NBPF26: variants seen among roughly 807,000 people sequenced by gnomAD.
NBPF26 encodes the protein NBPF member 26, also known as NBPF family member NBPF26.
Under a neutral mutation model 119.6 loss-of-function variants are expected in NBPF26, and 79 were observed. The observed-to-expected ratio is 0.66, with a 90% CI of 0.55 to 0.80. The LOEUF (loss-of-function observed/expected upper bound fraction) is 0.80, where lower values mean the gene tolerates loss of function less well. NBPF26 is among the 30% of genes least tolerant of loss of function. NBPF26 has a pLI of 0.00. For missense variants in NBPF26, 800 were observed against 1,198.2 expected (o/e 0.67, Z 4.91); for synonymous variants, 299 against 457.7 (o/e 0.65, Z 4.43).
chr1:120,832,416 G>A (rs1465717779), intron 22 of NBPF26, among the ~76,000 whole-genome samples: 1 of 100,460 alleles, frequency 1.0e-5, no homozygotes, highest in Non-Finnish European at 1.8e-5. Context: ...ATTGGACCTG[G>A]GCAGATGTGA....
intron 1 of NBPF26, among the ~76,000 whole-genome samples, chr1:120,745,650 G>A (rs1227616607): frequency 3.8e-5 from 3 of 78,630 alleles, no homozygotes; most frequent in Non-Finnish European, 6.7e-5. Context: ...CCGTCTCTAC[G>A]GAAAAAAATG....
At position 120,812,221 on chromosome 1, in the gene NBPF26, G is replaced by A. The variant is rs1190555743; in HGVS notation, c.1774+126G>A. On this transcript the variant is annotated intron_variant, in intron 10 of 29. Coordinates refer to ENST00000620612, the Ensembl canonical transcript of NBPF26. ...CCGTACTTCTAGGAAAACAGAAATG[G>A]GTATTTTAACATTTTGTCAAAGTTG... is the stretch of plus-strand genomic sequence containing the variant. 27 of 622,660 alleles carry A rather than the reference G, an allele frequency of 4.3e-5. 3 individuals carry two copies. Among genetic ancestry groups the A allele is most frequent in the East Asian group, 1.8e-4 (7 of 37,950 alleles). 38.6% of individuals were successfully genotyped at this position (622,660 alleles called of 1,614,324 possible).
At chr1:120,795,946 GTGTA>G (rs1202810360) in intron 4 of NBPF26, among the ~76,000 whole-genome samples, 6,459 of 29,604 alleles carry the variant, frequency 0.22, 1,236 homozygotes, top group Middle Eastern at 0.25. Flanking sequence ...GTGTGTGTGT[GTGTA>G]TATGCCGTTG....
rs1234870438 is a variant in NBPF26 at position 120,781,951 on chromosome 1, A to G, written c.156-3023A>G. On this transcript the variant is annotated intron_variant, in intron 2 of 29. Transcript: ENST00000620612. The stretch of plus-strand genomic sequence containing the variant: ...ACTGGAGCGAGTAATACAAGAGACA[A>G]TAGCTATCAAATGCTTAGCAAATAT... Among the ~76,000 whole-genome samples the G allele has an allele frequency of 1.1e-3, 112 of 106,212 alleles. 24 individuals carry two copies. The highest frequency in any genetic ancestry group is 2.6e-3 in the Admixed American group (28 of 10,896). The allele number at this position is 106,212 out of a possible 152,430, so 69.7% of individuals were successfully genotyped here.
At position 120,728,528 on chromosome 1, in the gene NBPF26, G is replaced by A. The variant is rs1311820237; in HGVS notation, c.73+4278G>A. 4.3e-5 allele frequency among the ~76,000 whole-genome samples: 5 copies of A among 116,408 alleles called. 1 individual carries two copies. The highest frequency in any genetic ancestry group is 8.2e-5 in the Admixed American group (1 of 12,142). The allele number at this position is 116,408 out of a possible 152,430, so 76.4% of individuals were successfully genotyped here. A position where few individuals can be genotyped will look rare whatever the true frequency, so the allele number is the denominator to read the frequency against. On this transcript the variant is annotated intron_variant, in intron 1 of 29. Transcript: ENST00000620612. ...TTGACTTTGGAATCTCACTTCAAAG[G>A]CACTGCCATCCACCCCCTGCCTCTC...
intron 10 of NBPF26, among the ~76,000 whole-genome samples, chr1:120,812,970 G>A (rs1275378071): frequency 8.5e-6 from 1 of 118,334 alleles, no homozygotes; most frequent in Non-Finnish European, 1.6e-5. Context: ...ATAAAAATAA[G>A]AATAAAAAGC....
At chr1:120,812,991 T>C (rs1172504776) in intron 10 of NBPF26, among the ~76,000 whole-genome samples, 2 of 118,892 alleles carry the variant, frequency 1.7e-5, no homozygotes, top group African/African-American at 9.4e-5. Context: ...AGAGAGTAGC[T>C]TGGTGAGAGT....
At chr1:120,806,506 T>C in intron 5 of NBPF26, among the ~76,000 whole-genome samples, 1 of 122,292 alleles carries the variant, frequency 8.2e-6, no homozygotes, top group East Asian at 2.0e-4. Flanking sequence ...GGCAGAAGAA[T>C]CCTTTGAACC....
Position 120,820,455 on chromosome 1 carries a change from T to A in NBPF26, c.2424-1649T>A, listed in dbSNP as rs1257300471. Among the ~76,000 whole-genome samples, 48 of 15,156 alleles carry A rather than the reference T, an allele frequency of 3.2e-3. 4 individuals are homozygous for A. Among genetic ancestry groups the A allele is most frequent in the East Asian group, 0.026 (18 of 680 alleles). The allele number at this position is 15,156 out of a possible 152,430, so 9.9% of individuals were successfully genotyped here. A position where few individuals can be genotyped will look rare whatever the true frequency, so the allele number is the denominator to read the frequency against. On this transcript the variant is annotated intron_variant, in intron 15 of 29. Transcript: ENST00000620612. ...AGACTTAAAGTATTAAAAATATATA[T>A]ATATATATATATATATATATATATA...
intron 4 of NBPF26, among the ~76,000 whole-genome samples, chr1:120,802,283 G>T (rs1196512382): frequency 2.4e-5 from 3 of 126,190 alleles, no homozygotes; most frequent in African/African-American, 1.1e-4. Flanking sequence ...ACTTGAATTT[G>T]CACTGACTTT....
rs1357628556 is a variant in NBPF26 at position 120,802,483 on chromosome 1, A to G, written c.752-3073A>G. On this transcript the variant is annotated intron_variant, in intron 4 of 29. Transcript: ENST00000620612. The stretch of plus-strand genomic sequence containing the variant: ...GCTGGACTCCATTTGAACTTTGAGT[A>G]CAACAGAGACATGAGCCCTTCGGGA... Among the ~76,000 whole-genome samples the G allele has an allele frequency of 1.6e-5, 2 of 125,830 alleles. 1 individual carries two copies. Among genetic ancestry groups the G allele is most frequent in the Non-Finnish European group, 3.2e-5 (2 of 61,742 alleles). 82.5% of individuals were successfully genotyped at this position (125,830 alleles called of 152,430 possible).
At chr1:120,815,578 G>A (rs1553271669) in intron 12 of NBPF26, among the ~76,000 whole-genome samples, 2 of 95,672 alleles carry the variant, frequency 2.1e-5, no homozygotes, top group Admixed American at 1.0e-4. Context: ...ATGTGGGGGC[G>A]TTTTGTGGTA....
At chr1:120,755,932 GCT>G (rs1651075301) in intron 1 of NBPF26, among the ~76,000 whole-genome samples, 1 of 90,062 alleles carries the variant, frequency 1.1e-5, no homozygotes, top group African/African-American at 7.6e-5. Context: ...ATCTCTTATT[GCT>G]TTTTTTTTTT....
chr1:120,790,550 TTC>T (rs1651477465), intron 3 of NBPF26, among the ~76,000 whole-genome samples: 1 of 97,462 alleles, frequency 1.0e-5, no homozygotes, highest in Non-Finnish European at 1.9e-5. Flanking sequence ...CTTTCTTTCT[TTC>T]TTTCTTTCTT....
chr1:120,823,285 G>C lies in NBPF26; in HGVS notation c.2588-24G>C, dbSNP rs1553272221. ...CAAGGAAGAACTGCTTAATGTAAGA[G>C]GGCCCATCTGAATTTATTTGCAGGA... On this transcript the variant is annotated intron_variant, in intron 16 of 29. Transcript: ENST00000620612. The C allele has an allele frequency of 2.4e-5, 30 of 1,234,334 alleles. 7 individuals are homozygous for C. Among genetic ancestry groups the C allele is most frequent in the Non-Finnish European group, 3.3e-5 (30 of 897,132 alleles). The allele number at this position is 1,234,334 out of a possible 1,614,324, so 76.5% of individuals were successfully genotyped here.
At position 120,777,439 on chromosome 1, in the gene NBPF26, G is replaced by C. The variant is rs1230519460; in HGVS notation, c.156-7535G>C. ...TTTGTGTATTAGTTGTGATAAAAGT[G>C]TGTATGTGTGTGTGTACGTGTGTGA... On this transcript the variant is annotated intron_variant, in intron 2 of 29. Coordinates refer to ENST00000620612, the Ensembl canonical transcript of NBPF26. Among the ~76,000 whole-genome samples, 15 of 100,036 alleles carry C rather than the reference G, an allele frequency of 1.5e-4. 3 individuals carry two copies. In the East Asian group the frequency reaches 3.5e-3, roughly 23 times the overall value. The allele number at this position is 100,036 out of a possible 152,430, so 65.6% of individuals were successfully genotyped here.
chr1:120,724,066 G>C lies in NBPF26; in HGVS notation c.-112G>C, dbSNP rs1464530483. Reference sequence around the variant, plus strand: ...CGCCAGGGCCTGAGCCTTTGAAGCAGGAGGAGGGGAGGAGAGAGTGGGGCT... The same window carrying C: ...CGCCAGGGCCTGAGCCTTTGAAGCACGAGGAGGGGAGGAGAGAGTGGGGCT... On this transcript the variant is annotated 5_prime_UTR_variant, in exon 1 of 30. Transcript: ENST00000620612. 2.5e-5 allele frequency: 32 copies of C among 1,292,518 alleles called. 9 individuals are homozygous for C. Among genetic ancestry groups the C allele is most frequent in the Middle Eastern group, 2.6e-4 (1 of 3,788 alleles). The allele number at this position is 1,292,518 out of a possible 1,614,324, so 80.1% of individuals were successfully genotyped here. A position where few individuals can be genotyped will look rare whatever the true frequency, so the allele number is the denominator to read the frequency against.
chr1:120,802,823 C>T (rs1651597791), intron 4 of NBPF26, among the ~76,000 whole-genome samples: 1 of 110,918 alleles, frequency 9.0e-6, no homozygotes, highest in East Asian at 2.1e-4. Flanking sequence ...AGAACAGACC[C>T]TTAAAAAGGG....
chr1:120,764,894 TC>T (rs1651173112), intron 2 of NBPF26, among the ~76,000 whole-genome samples: 1 of 90,826 alleles, frequency 1.1e-5, no homozygotes, highest in Non-Finnish European at 2.1e-5. Flanking sequence ...AGTGAGTTTA[TC>T]CAACACATTT....
Sources: allele counts gnomAD v4.1 joint callset (sites outside exome capture counted in the v4.1 genomes callset), GRCh38; gene constraint gnomAD v4.1.1; transcripts MANE v1.5; gene names NCBI Gene and HGNC (gene_info 2026-07-23, HGNC 2026-07-21).